Variants in OPN3 observed in about 807,000 individuals in gnomAD.
The protein encoded by OPN3 is opsin-3.
OPN3 carries 29 observed loss-of-function variants against 33.8 expected under a neutral mutation model. That is an observed-to-expected ratio of 0.86 (90% CI 0.64 to 1.17). The LOEUF (loss-of-function observed/expected upper bound fraction) is 1.17, where lower values mean the gene tolerates loss of function less well. Ranked by LOEUF, OPN3 falls within the 50% of genes most tolerant of loss-of-function variation. OPN3 has a pLI of 0.00. For synonymous variants in OPN3, 216 were observed against 216.1 expected, an observed-to-expected ratio of 1.00 and a Z score of 0.00; for missense variants, 437 against 514.1, an observed-to-expected ratio of 0.85 and a Z score of 1.45.
At position 241,597,903 on chromosome 1, in the gene OPN3, G is replaced by T. The variant is rs1292059778; in HGVS notation, c.788C>A (p.Thr263Asn). The change falls in exon 3 of 4, where the codon ACC (threonine) becomes AAC (asparagine). Residue 263 changes from threonine (T) to asparagine (N), a missense_variant. Physicochemically the swap from Thr to Asn is moderately conservative, Grantham distance 65. Transcript: ENST00000366554. ...LAKMCFLMIF[T>N]FLVCWMPYIV... ...ATAAGGCATCCAACAGACCAGGAAG[G>T]TGAATATCATTAAAAAGCACATTTT... 9.9e-6 allele frequency: 16 copies of T among 1,613,698 alleles called. No homozygotes were observed. The highest frequency in any genetic ancestry group is 1.3e-5 in the Non-Finnish European group (15 of 1,179,944).
At chr1:241,605,104 T>TA (rs1453593005) in intron 1 of OPN3, among the ~76,000 whole-genome samples, 2 of 150,944 alleles carry the variant, frequency 1.3e-5, no homozygotes, top group African/African-American at 4.9e-5. Flanking sequence ...CCATGCAGAT[T>TA]AAAAAAAGAT....
At chr1:241,621,559 G>C (rs1464222441) in intron 1 of OPN3, among the ~76,000 whole-genome samples, 1 of 152,122 alleles carries the variant, frequency 6.6e-6, no homozygotes, top group Non-Finnish European at 1.5e-5. Flanking sequence ...TATTTAATGA[G>C]TCACCTATTC....
At chr1:241,619,267 G>A (rs1664214479) in intron 1 of OPN3, among the ~76,000 whole-genome samples, 2 of 152,088 alleles carry the variant, frequency 1.3e-5, no homozygotes, top group African/African-American at 4.8e-5. Context: ...CCATTCATTT[G>A]CGTTAACATT....
chr1:241,606,555 A>G (rs984448796), intron 1 of OPN3, among the ~76,000 whole-genome samples: 1 of 87,760 alleles, frequency 1.1e-5, no homozygotes, highest in African/African-American at 4.5e-5. Context: ...CAAAATAAAT[A>G]AATAAATAAA....
intron 1 of OPN3, among the ~76,000 whole-genome samples, chr1:241,613,134 T>C (rs1476453671): frequency 6.6e-6 from 1 of 152,260 alleles, no homozygotes; most frequent in Non-Finnish European, 1.5e-5. Context: ...TGCTTATTTG[T>C]TGAGAAAGTT....
At chr1:241,625,082 A>G (rs1664379591) in intron 1 of OPN3, among the ~76,000 whole-genome samples, 1 of 152,236 alleles carries the variant, frequency 6.6e-6, no homozygotes, top group South Asian at 2.1e-4. Flanking sequence ...TTCATGCTCA[A>G]TAAATATTAC....
At chr1:241,609,281 CT>C (rs1387119896) in intron 1 of OPN3, among the ~76,000 whole-genome samples, 1 of 152,192 alleles carries the variant, frequency 6.6e-6, no homozygotes, top group Non-Finnish European at 1.5e-5. Context: ...GATATGCACT[CT>C]TTTGGAAAGA....
At position 241,597,986 on chromosome 1, in the gene OPN3, C is replaced by T; in HGVS notation, c.705G>A (p.Val235=). The change falls in exon 3 of 4, where the codon GTG becomes GTA. Residue 235 remains valine, a synonymous_variant. Coordinates refer to ENST00000366554, the MANE Select transcript of OPN3 (RefSeq NM_014322.3). The part of the protein sequence containing the change: ...ILYSIRMLRC[V]EDLQTIQVIK... ...TCACTTGAATTGTCTGAAGATCTTC[C>T]ACACAACGAAGCTGCAGAAAGGAGA... 1 of 1,613,360 alleles carries T rather than the reference C, an allele frequency of 6.2e-7. No homozygotes were observed. The highest frequency in any genetic ancestry group is 8.5e-7 in the Non-Finnish European group (1 of 1,179,772).
intron 1 of OPN3, chr1:241,634,948 T>C: frequency 5.0e-6 from 8 of 1,613,494 alleles, no homozygotes; most frequent in Non-Finnish European, 6.8e-6. Context: ...GAACTTGTTC[T>C]ACCTTTCCTT....
rs1663392694 is a variant in OPN3, at chr1:241,593,450, T to C, written c.*978A>G. The C allele has an allele frequency of 2.8e-6, 1 of 360,792 alleles. No homozygotes were observed. Among genetic ancestry groups the C allele is most frequent in the Non-Finnish European group, 6.4e-6 (1 of 155,552 alleles). The allele number at this position is 360,792 out of a possible 1,614,324, so 22.3% of individuals were successfully genotyped here. ...CATATAAGAAATAAAAATTGGGCAA[T>C]AAAATAAAATGATTCAGTGTTTCTT... On this transcript the variant is annotated 3_prime_UTR_variant, in exon 4 of 4. Transcript: ENST00000366554.
intron 1 of OPN3, chr1:241,630,484 C>G (rs1452721581): frequency 6.6e-6 from 1 of 152,016 alleles, no homozygotes; most frequent in Non-Finnish European, 1.5e-5. Context: ...TATCCTGCAA[C>G]TTCTTGAATT....
intron 1 of OPN3, among the ~76,000 whole-genome samples, chr1:241,620,063 G>C (rs941378522): frequency 6.9e-6 from 1 of 145,148 alleles, no homozygotes; most frequent in Admixed American, 6.8e-5. Context: ...ACAGAGGAAA[G>C]TTCACCAAGT....
chr1:241,608,558 C>A (rs1039843298), intron 1 of OPN3, among the ~76,000 whole-genome samples: 1 of 152,138 alleles, frequency 6.6e-6, no homozygotes, highest in Non-Finnish European at 1.5e-5. Flanking sequence ...CAGAAAGGGA[C>A]GCAGCTGCTA....
intron 1 of OPN3, chr1:241,633,589 A>T (rs973739254): frequency 3.1e-5 from 19 of 605,930 alleles, no homozygotes; most frequent in Non-Finnish European, 5.1e-5. Context: ...GCCCATTCTA[A>T]ACAAAATGTT....
At chr1:241,595,620 A>G (rs937793981) in intron 3 of OPN3, 3 of 152,228 alleles carry the variant, frequency 2.0e-5, no homozygotes, top group South Asian at 2.1e-4. Flanking sequence ...GGAAATACCA[A>G]TTAAAAATAT....
intron 1 of OPN3, chr1:241,628,839 T>G (rs11587755): frequency 0.022 from 3,333 of 152,578 alleles, 52 homozygotes; most frequent in South Asian, 0.038. Context: ...AAATCAGTAA[T>G]TTTCTCACCA....
intron 1 of OPN3, among the ~76,000 whole-genome samples, chr1:241,618,040 T>G (rs1012257582): frequency 2.6e-5 from 4 of 151,712 alleles, no homozygotes; most frequent in Non-Finnish European, 5.9e-5. Flanking sequence ...AAAAAGAAGG[T>G]GGGAGAAGGA....
intron 1 of OPN3, among the ~76,000 whole-genome samples, chr1:241,628,231 C>T (rs1276682308): frequency 1.3e-5 from 2 of 151,984 alleles, no homozygotes; most frequent in Non-Finnish European, 2.9e-5. Flanking sequence ...GGGAGTGAGA[C>T]GGGTAAAAAA....
In OPN3 at chr1:241,594,413, T is replaced by C; in HGVS notation, c.*15A>G. The C allele has an allele frequency of 6.2e-7, 1 of 1,606,498 alleles. No individual in the cohort carries two copies. The highest frequency in any genetic ancestry group is 1.1e-5 in the South Asian group (1 of 90,430). On this transcript the variant is annotated 3_prime_UTR_variant, in exon 4 of 4. Transcript: ENST00000366554. Reference sequence around the variant, plus strand: ...TCCAATTTAAGGCCCCATCTTTCGTTGCCATTCTTCATTCCTACAAAGGAC... The same window carrying C: ...TCCAATTTAAGGCCCCATCTTTCGTCGCCATTCTTCATTCCTACAAAGGAC...
Sources: gnomAD v4.1 joint callset for allele counts (sites outside exome capture counted in the v4.1 genomes callset) on GRCh38, gnomAD v4.1.1 for gene constraint, MANE v1.5 for transcripts, NCBI Gene and HGNC (gene_info 2026-07-23, HGNC 2026-07-21) for gene names.